LRP1B: variants seen among roughly 807,000 people sequenced by gnomAD.
LRP1B encodes low-density lipoprotein receptor-related protein 1B.
In LRP1B, 217 loss-of-function variants were observed where a neutral mutation model predicts 556.6. The observed-to-expected ratio is 0.39, with a 90% confidence interval of 0.35 to 0.44. LRP1B has a LOEUF of 0.44. Among genes scored for constraint, LRP1B ranks in the 20% least tolerant of loss-of-function variants. The pLI is 1.00. For synonymous variants in LRP1B, 2,047 were observed against 1,865.8 expected (o/e 1.10, Z -2.50); for missense variants, 5,053 against 5,620.8 (o/e 0.90, Z 3.23).
intron 82 of LRP1B, 147 bp from the exon 83 acceptor site, chr2:140,315,246 A>G (rs1684470448): frequency 7.5e-6 from 4 of 535,886 alleles, no homozygotes; most frequent in African/African-American, 3.9e-5. Context: ...AAAATTAAAT[A>G]CTATCTGAAA....
chr2:140,591,593 G>C (rs1057176285), intron 43 of LRP1B, among the ~76,000 whole-genome samples: 1 of 152,118 alleles, frequency 6.6e-6, no homozygotes, highest in Non-Finnish European at 1.5e-5. Context: ...TAATAGGAGT[G>C]GGGTAAGGTG....
At chr2:141,793,900 G>A (rs753139708) in intron 2 of LRP1B, among the ~76,000 whole-genome samples, 7 of 151,468 alleles carry the variant, frequency 4.6e-5, no homozygotes, top group East Asian at 1.9e-4. Flanking sequence ...CAATTAAGTC[G>A]GAATATTATC....
chr2:141,796,781 A>G (rs1393542535), intron 2 of LRP1B, among the ~76,000 whole-genome samples: 7 of 151,866 alleles, frequency 4.6e-5, no homozygotes, highest in Non-Finnish European at 7.4e-5. Context: ...CACTACCATC[A>G]AAGAGTAGGG....
intron 3 of LRP1B, among the ~76,000 whole-genome samples, chr2:141,362,273 A>G (rs1688852364): frequency 6.6e-6 from 1 of 152,218 alleles, no homozygotes; most frequent in Non-Finnish European, 1.5e-5. Flanking sequence ...AAACCTTTCT[A>G]TCCTTTTCCA....
intron 5 of LRP1B, among the ~76,000 whole-genome samples, chr2:141,238,755 G>A (rs1422706309): frequency 6.6e-6 from 1 of 152,046 alleles, no homozygotes; most frequent in Non-Finnish European, 1.5e-5. Flanking sequence ...TAAACAAAGG[G>A]TTTGAGAAAA....
intron 47 of LRP1B, among the ~76,000 whole-genome samples, chr2:140,528,472 G>T (rs1690535370): frequency 1.3e-5 from 2 of 151,740 alleles, no homozygotes; most frequent in Admixed American, 1.3e-4. Flanking sequence ...ACAAAGAGTA[G>T]AAGATTTGCA....
rs142414717 is a variant in LRP1B, at chr2:141,379,734, A to G, written c.343+100662T>C. Among the ~76,000 whole-genome samples the G allele has an allele frequency of 1.4e-4, 22 of 152,246 alleles. No individual in the cohort carries two copies. In the East Asian group the frequency reaches 4.2e-3, roughly 29 times the overall value. On this transcript the variant is annotated intron_variant, in intron 3 of 90. Transcript: ENST00000389484. ...TCTCTATGAGTTGATAGGACCCAGCATTTACTAGTTCCCTGGAACCATAGA... is the reference window on the plus strand; with the variant it reads ...TCTCTATGAGTTGATAGGACCCAGCGTTTACTAGTTCCCTGGAACCATAGA...
At chr2:141,330,775 CAG>C (rs1687610346) in intron 3 of LRP1B, among the ~76,000 whole-genome samples, 1 of 120,446 alleles carries the variant, frequency 8.3e-6, no homozygotes, top group Admixed American at 1.1e-4. Flanking sequence ...TTTTTTGAGA[CAG>C]AGTCTCGCTC....
At chr2:141,317,392 T>C (rs1455278628) in intron 3 of LRP1B, among the ~76,000 whole-genome samples, 1 of 152,196 alleles carries the variant, frequency 6.6e-6, no homozygotes, top group Non-Finnish European at 1.5e-5. Flanking sequence ...CTTCAAGCTG[T>C]ACCCTCTGTG....
At chr2:141,707,567 AC>A (rs1692190535) in intron 2 of LRP1B, among the ~76,000 whole-genome samples, 1 of 152,176 alleles carries the variant, frequency 6.6e-6, no homozygotes, top group African/African-American at 2.4e-5. Context: ...ATTACTGCAC[AC>A]ACAGGGCTGT....
intron 7 of LRP1B, among the ~76,000 whole-genome samples, chr2:141,184,684 C>A (rs1681163241): frequency 1.3e-5 from 2 of 149,616 alleles, no homozygotes; most frequent in Admixed American, 1.3e-4. Context: ...TTGTAAGTAC[C>A]TTTGTATGCT....
chr2:141,356,391 A>G (rs77267389), intron 3 of LRP1B, among the ~76,000 whole-genome samples: 6,744 of 152,134 alleles, frequency 0.044, 231 homozygotes, highest in African/African-American at 0.082. Flanking sequence ...GGTTGTTCCC[A>G]ATAATATGAT....
intron 5 of LRP1B, among the ~76,000 whole-genome samples, chr2:141,241,741 G>T (rs1488457751): frequency 6.6e-6 from 1 of 151,864 alleles, no homozygotes; most frequent in Non-Finnish European, 1.5e-5. Context: ...CTTTACCACA[G>T]TGTTCCTAAT....
intron 43 of LRP1B, among the ~76,000 whole-genome samples, chr2:140,559,569 T>C (rs2105073217): frequency 6.6e-6 from 1 of 152,156 alleles, no homozygotes; most frequent in East Asian, 1.9e-4. Context: ...CTGGAATATC[T>C]TGTGGGGCCA....
rs147672463 is a variant in LRP1B at position 141,136,604 on chromosome 2, T to C, written c.1013+51817A>G. On this transcript the variant is annotated intron_variant, in intron 7 of 90. Transcript: ENST00000389484. ...ACTATGTACCAGGCAATATACATAG[T>C]GGAACACAGGATATAAAGTGATGAG... 7.2e-5 allele frequency among the ~76,000 whole-genome samples: 10 copies of C among 138,586 alleles called. No individual in the cohort carries two copies. In the East Asian group the frequency reaches 2.1e-3, roughly 29 times the overall value. 90.9% of individuals were successfully genotyped at this position (138,586 alleles called of 152,430 possible). A position where few individuals can be genotyped will look rare whatever the true frequency, so the allele number is the denominator to read the frequency against.
At chr2:140,888,972 A>C (rs889553446) in intron 23 of LRP1B, among the ~76,000 whole-genome samples, 3 of 151,624 alleles carry the variant, frequency 2.0e-5, no homozygotes, top group African/African-American at 2.4e-5. Flanking sequence ...AAAAAAAAAA[A>C]AAAAAAAACT....
chr2:141,156,146 T>C lies in LRP1B; in HGVS notation c.1013+32275A>G, dbSNP rs549897636. Among the ~76,000 whole-genome samples, 13 of 152,172 alleles carry C rather than the reference T, an allele frequency of 8.5e-5. No individual in the cohort carries two copies. The South Asian group carries it at 2.7e-3, about 32-fold the overall frequency. On this transcript the variant is annotated intron_variant, in intron 7 of 90. Transcript: ENST00000389484. The stretch of plus-strand genomic sequence containing the variant: ...AGAACTAAAACAAAAGCACTAACCA[T>C]AGAAAAAGGGTAAACACATATTCTC...
At chr2:141,916,383 G>A (rs201225071) in intron 1 of LRP1B, among the ~76,000 whole-genome samples, 1 of 16,674 alleles carries the variant, frequency 6.0e-5, no homozygotes, top group Non-Finnish European at 1.4e-4. Flanking sequence ...TTATTTATTT[G>A]AGACGGAGTC....
intron 27 of LRP1B, among the ~76,000 whole-genome samples, chr2:140,856,055 G>T (rs1243402851): frequency 6.6e-6 from 1 of 151,844 alleles, no homozygotes; most frequent in Non-Finnish European, 1.5e-5. Flanking sequence ...TATGTATCTG[G>T]TACATTGTGA....
Sources: allele counts gnomAD v4.1 joint callset (sites outside exome capture counted in the v4.1 genomes callset), GRCh38; gene constraint gnomAD v4.1.1; transcripts MANE v1.5; gene names NCBI Gene and HGNC (gene_info 2026-07-23, HGNC 2026-07-21).